The following PTDSS2 variants were observed in gnomAD, a reference collection of about 807,000 sequenced individuals.
PTDSS2 encodes the protein phosphatidylserine synthase 2, also known as PSS-2.
PTDSS2 carries 41 observed loss-of-function variants against 64.7 expected under a neutral mutation model. The ratio of observed to expected loss-of-function variants is 0.63; its 90% CI spans 0.49 to 0.82. The LOEUF (loss-of-function observed/expected upper bound fraction) is 0.82, where lower values mean the gene tolerates loss of function less well. Among genes scored for constraint, PTDSS2 ranks in the 40% least tolerant of loss-of-function variants. PTDSS2 has a pLI of 0.00. For synonymous variants in PTDSS2, 297 were observed against 277.8 expected (o/e 1.07, Z -0.69); for missense variants, 485 against 650.0 (o/e 0.75, Z 2.76).
rs530162818 is a variant in PTDSS2 at position 460,987 on chromosome 11, C to T, written c.284+699C>T. ...CTCCTGCCCAGCAAGGCTGCTGACA[C>T]CATCAGGGCCTGGCCCCACTTGCTC... is the stretch of plus-strand genomic sequence containing the variant. On this transcript the variant is annotated intron_variant, in intron 2 of 11. Transcript: ENST00000308020. This position sits in a 1 kb window ranked among gnomAD's most constrained non-coding sequence, Gnocchi z 5.8. The T allele has an allele frequency of 2.4e-4, 37 of 152,466 alleles. No homozygotes were observed. The highest frequency in any genetic ancestry group is 8.7e-4 in the African/African-American group (36 of 41,596). The allele number at this position is 152,466 out of a possible 1,614,324, so 9.4% of individuals were successfully genotyped here. A position where few individuals can be genotyped will look rare whatever the true frequency, so the allele number is the denominator to read the frequency against.
At position 488,619 on chromosome 11, in the gene PTDSS2, C is replaced by CAGGG; in HGVS notation, c.827_830dup (p.Leu278GlyfsTer88). On this transcript the variant is annotated frameshift_variant, in exon 8 of 12. Transcript: ENST00000308020. LOFTEE classifies it high-confidence loss of function. The stretch of plus-strand genomic sequence containing the variant: ...GCTGTCCCTGAAGACGTACAAGTGG[C>CAGGG]AGGGCCTCTGGAACATTCCGACCTA... 6.2e-7 allele frequency: 1 copy of CAGGG among 1,613,114 alleles called. No individual in the cohort carries two copies. The highest frequency in any genetic ancestry group is 8.5e-7 in the Non-Finnish European group (1 of 1,179,798).
At chr11:489,359 G>T (rs1359641374) in intron 8 of PTDSS2, 41 bp from the exon 9 acceptor site, 1 of 1,565,282 alleles carries the variant, frequency 6.4e-7, no homozygotes, top group Non-Finnish European at 8.8e-7. Context: ...GCAGGGTTCG[G>T]TGGGCTGCCT....
intron 2 of PTDSS2, among the ~76,000 whole-genome samples, chr11:464,948 A>G (rs564006093): frequency 5.9e-5 from 9 of 152,326 alleles, no homozygotes; most frequent in African/African-American, 2.2e-4. Flanking sequence ...ACACAATTTC[A>G]AGACTTCCTG....
At chr11:463,342 C>T (rs1564966999) in intron 2 of PTDSS2, 2 of 151,626 alleles carry the variant, frequency 1.3e-5, no homozygotes, top group South Asian at 2.1e-4. Flanking sequence ...ATTCTCCTGC[C>T]TCAGCCTCCC....
chr11:483,481 A>G (rs1056369510), intron 4 of PTDSS2, among the ~76,000 whole-genome samples: 3 of 152,242 alleles, frequency 2.0e-5, no homozygotes, highest in African/African-American at 4.8e-5. Context: ...GAGTGGAGAA[A>G]GTTCTAGTAT....
intron 4 of PTDSS2, among the ~76,000 whole-genome samples, chr11:481,471 G>A (rs916351262): frequency 3.3e-5 from 5 of 152,204 alleles, no homozygotes; most frequent in South Asian, 2.1e-4. Flanking sequence ...TATTAACTCC[G>A]TCAGTCCTTG....
At chr11:483,796 G>A (rs1848171277) in intron 4 of PTDSS2, among the ~76,000 whole-genome samples, 1 of 151,806 alleles carries the variant, frequency 6.6e-6, no homozygotes, top group South Asian at 2.1e-4. Context: ...TTCTGGCTTT[G>A]GCACCAGGGT....
intron 1 of PTDSS2, among the ~76,000 whole-genome samples, chr11:452,937 C>G (rs1846409578): frequency 6.6e-6 from 1 of 151,906 alleles, no homozygotes; most frequent in Non-Finnish European, 1.5e-5. Flanking sequence ...CCCTGTGTTG[C>G]CCAGGCTGGT....
At chr11:467,230 G>C (rs1437185084) in intron 2 of PTDSS2, among the ~76,000 whole-genome samples, 1 of 152,182 alleles carries the variant, frequency 6.6e-6, no homozygotes, top group South Asian at 2.1e-4. Flanking sequence ...CTAAGCAGAT[G>C]TTCACCAGGG....
At chr11:484,483 G>A (rs538021340) in intron 4 of PTDSS2, among the ~76,000 whole-genome samples, 35 of 152,396 alleles carry the variant, frequency 2.3e-4, no homozygotes, top group Non-Finnish European at 4.3e-4. Flanking sequence ...GTGTGCAGGC[G>A]TCTGTAAACA....
Position 485,731 on chromosome 11 carries a change from G to A in PTDSS2, c.436-1208G>A, listed in dbSNP as rs577213399. ...AGGCGAGTGTAAACTGCACGGGCGC[G>A]TGTGCTCACTGCGCAGGCGAGCGTA... On this transcript the variant is annotated intron_variant, in intron 4 of 11. Coordinates refer to ENST00000308020, the MANE Select transcript of PTDSS2 (RefSeq NM_030783.3). 4.9e-3 allele frequency among the ~76,000 whole-genome samples: 620 copies of A among 127,684 alleles called. 16 individuals are homozygous for A. Among genetic ancestry groups the A allele is most frequent in the African/African-American group, 0.016 (561 of 35,244 alleles). 83.8% of individuals were successfully genotyped at this position (127,684 alleles called of 152,430 possible).
In PTDSS2 at chr11:462,069, T is replaced by C. The variant is rs1846914278; in HGVS notation, c.284+1781T>C. ...CTCAAGTGTCCCACATGGCAAGAATTGTCAAGAGCAGGAGTGCAGGGGGTG... is the reference window on the plus strand; with the variant it reads ...CTCAAGTGTCCCACATGGCAAGAATCGTCAAGAGCAGGAGTGCAGGGGGTG... On this transcript the variant is annotated intron_variant, in intron 2 of 11. Transcript: ENST00000308020. This position sits in a 1 kb window ranked among gnomAD's most constrained non-coding sequence, Gnocchi z 4.5. Among the ~76,000 whole-genome samples the C allele has an allele frequency of 6.6e-6, 1 of 152,084 alleles. No homozygotes were observed. The highest frequency in any genetic ancestry group is 1.5e-5 in the Non-Finnish European group (1 of 67,990).
At chr11:468,309 G>A (rs183630181) in intron 2 of PTDSS2, among the ~76,000 whole-genome samples, 3 of 152,364 alleles carry the variant, frequency 2.0e-5, no homozygotes, top group East Asian at 1.9e-4. Context: ...GTTGTTTCCC[G>A]GGGAAAGGGG....
rs1848661035 is a variant in PTDSS2 at position 491,024 on chromosome 11, G to T, written c.*442G>T. The T allele has an allele frequency of 5.4e-6, 1 of 184,054 alleles. No individual in the cohort carries two copies. Among genetic ancestry groups the T allele is most frequent in the East Asian group, 1.6e-4 (1 of 6,328 alleles). 11.4% of individuals were successfully genotyped at this position (184,054 alleles called of 1,614,324 possible). A position where few individuals can be genotyped will look rare whatever the true frequency, so the allele number is the denominator to read the frequency against. ...GTCACCCAGCCATGGTGTGGTCCAG[G>T]CAGGGACATCTCGGTACCCTTTCTG... On this transcript the variant is annotated 3_prime_UTR_variant, in exon 12 of 12. Transcript: ENST00000308020.
intron 1 of PTDSS2, chr11:451,618 C>T (rs1243217284): frequency 1.3e-5 from 3 of 237,596 alleles, no homozygotes; most frequent in Non-Finnish European, 2.7e-5. Context: ...TTTATGGACG[C>T]TTCCAAGAGA....
chr11:474,431 C>T (rs1275392455), intron 3 of PTDSS2, among the ~76,000 whole-genome samples: 25 of 39,488 alleles, frequency 6.3e-4, no homozygotes, highest in African/African-American at 2.6e-3. Flanking sequence ...AGGCCATGGG[C>T]GGGTGGGTGA....
At chr11:487,522 T>C in intron 6 of PTDSS2, 52 bp downstream of exon 6, 1 of 1,545,908 alleles carries the variant, frequency 6.5e-7, no homozygotes, top group Non-Finnish European at 8.9e-7. Context: ...AGGCCTGCCG[T>C]GGGCTCTGGA....
At chr11:475,229 A>G (rs1306001483) in intron 3 of PTDSS2, among the ~76,000 whole-genome samples, 2 of 89,100 alleles carry the variant, frequency 2.2e-5, no homozygotes, top group African/African-American at 9.9e-5. Context: ...GTATATGGAC[A>G]TGTTCACGTG....
At chr11:473,575 A>G (rs1179747688) in intron 2 of PTDSS2, among the ~76,000 whole-genome samples, 1 of 152,222 alleles carries the variant, frequency 6.6e-6, no homozygotes, top group Non-Finnish European at 1.5e-5. Context: ...TGTTGGGTGC[A>G]GGGTGGTGGA....
Sources: gnomAD v4.1 joint callset for allele counts (sites outside exome capture counted in the v4.1 genomes callset) on GRCh38, gnomAD v4.1.1 for gene constraint, Gnocchi (gnomAD v3.1) non-coding constraint, MANE v1.5 for transcripts, NCBI Gene and HGNC (gene_info 2026-07-23, HGNC 2026-07-21) for gene names.